PCDH15: variants seen among roughly 807,000 people sequenced by gnomAD.
PCDH15 encodes the protein protocadherin-15.
Under a neutral mutation model 178.5 loss-of-function variants are expected in PCDH15, and 129 were observed. The ratio of observed to expected loss-of-function variants is 0.72; its 90% CI spans 0.63 to 0.84. The LOEUF (loss-of-function observed/expected upper bound fraction) is 0.84. PCDH15 is among the 40% of genes least tolerant of loss of function. The pLI is 0.00. For synonymous variants in PCDH15, 800 were observed against 732.0 expected (o/e 1.09, Z -1.50); for missense variants, 2,230 against 2,099.9 (o/e 1.06, Z -1.21).
Position 54,022,889 on chromosome 10 carries a change from C to T in PCDH15, c.2526+3G>A. The T allele has an allele frequency of 6.2e-7, 1 of 1,613,774 alleles. No individual in the cohort carries two copies. The highest frequency in any genetic ancestry group is 2.2e-5 in the East Asian group (1 of 44,862). On this transcript the variant is annotated splice_donor_region_variant and intron_variant, in intron 19 of 37. Coordinates refer to ENST00000644397, the MANE Select transcript of PCDH15 (RefSeq NM_001384140.1). ...CATGTAATAAATGCTTTTTCCCACACACCTCTATTTGAAGGATGGTAGTCC... is the reference window on the plus strand; with the variant it reads ...CATGTAATAAATGCTTTTTCCCACATACCTCTATTTGAAGGATGGTAGTCC...
At chr10:54,671,444 T>C (rs942902491) in intron 1 of PCDH15, among the ~76,000 whole-genome samples, 3 of 152,138 alleles carry the variant, frequency 2.0e-5, no homozygotes, top group Admixed American at 6.5e-5. Flanking sequence ...TAATGTAATA[T>C]AATAAAAGTC....
intron 8 of PCDH15, among the ~76,000 whole-genome samples, chr10:54,242,126 ATTTT>A (rs1188478276): frequency 3.1e-3 from 133 of 43,258 alleles, no homozygotes; most frequent in African/African-American, 9.7e-3. Context: ...TCTGAATTCT[ATTTT>A]TATATATATA....
intron 16 of PCDH15, 63 bp from the exon 17 acceptor site, chr10:54,079,487 C>T: frequency 2.1e-6 from 3 of 1,446,364 alleles, no homozygotes; most frequent in Non-Finnish European, 2.9e-6. Flanking sequence ...GGAGAGTCTT[C>T]TTAGTATAGT....
At chr10:54,450,130 A>ATATATATATATAT (rs2076378291) in intron 3 of PCDH15, among the ~76,000 whole-genome samples, 1 of 137,238 alleles carries the variant, frequency 7.3e-6, no homozygotes, top group African/African-American at 2.8e-5. Context: ...CTTTTTTATA[A>ATATATATATATAT]ATATATATAT....
At chr10:55,407,430 T>C (rs557274216) in intron 2 of PCDH15, among the ~76,000 whole-genome samples, 4 of 152,306 alleles carry the variant, frequency 2.6e-5, no homozygotes, top group Admixed American at 6.5e-5. Flanking sequence ...TAGACTCTTC[T>C]CTTTTCCACA....
chr10:54,717,013 G>A (rs1301409016), intron 1 of PCDH15, among the ~76,000 whole-genome samples: 3 of 148,884 alleles, frequency 2.0e-5, no homozygotes, highest in East Asian at 1.9e-4. Context: ...ATGGGGAAAG[G>A]ATTCCCTATT....
intron 7 of PCDH15, among the ~76,000 whole-genome samples, chr10:54,327,310 C>G (rs1042952797): frequency 6.6e-6 from 1 of 151,714 alleles, no homozygotes; most frequent in South Asian, 2.1e-4. Context: ...TTTTGAAAAA[C>G]TCTGAGTGGC....
intron 2 of PCDH15, among the ~76,000 whole-genome samples, chr10:55,497,604 T>A (rs1036768373): frequency 2.0e-5 from 3 of 151,822 alleles, no homozygotes; most frequent in Non-Finnish European, 4.4e-5. Flanking sequence ...GAAAATAAAA[T>A]ATTTTTAAAA....
intron 15 of PCDH15, among the ~76,000 whole-genome samples, chr10:54,100,484 G>A (rs2094790242): frequency 6.6e-6 from 1 of 152,114 alleles, no homozygotes; most frequent in African/African-American, 2.4e-5. Flanking sequence ...TCCTCTTTGA[G>A]CAAGATTTAA....
intron 1 of PCDH15, among the ~76,000 whole-genome samples, chr10:54,675,980 T>G (rs368624791): frequency 9.9e-5 from 15 of 152,206 alleles, no homozygotes; most frequent in South Asian, 4.1e-4. Context: ...TTTTAACACT[T>G]ATTCCTGCAG....
intron 2 of PCDH15, among the ~76,000 whole-genome samples, chr10:55,405,190 G>T (rs1019728811): frequency 1.3e-5 from 2 of 150,116 alleles, no homozygotes; most frequent in African/African-American, 4.9e-5. Context: ...TCTATAGAGC[G>T]ATATATATCT....
At chr10:54,698,732 A>T (rs1591129306) in intron 1 of PCDH15, among the ~76,000 whole-genome samples, 2 of 152,162 alleles carry the variant, frequency 1.3e-5, no homozygotes, top group East Asian at 3.9e-4. Context: ...GGTCATAGAT[A>T]AATGTTCTAA....
chr10:55,485,547 G>T (rs1181143337), intron 2 of PCDH15, among the ~76,000 whole-genome samples: 1 of 151,580 alleles, frequency 6.6e-6, no homozygotes, highest in Non-Finnish European at 1.5e-5. Flanking sequence ...AAGCTCTTGG[G>T]AATGTAAACT....
chr10:54,197,103 T>G (rs2049749025), intron 10 of PCDH15, among the ~76,000 whole-genome samples: 1 of 152,122 alleles, frequency 6.6e-6, no homozygotes, highest in African/African-American at 2.4e-5. Flanking sequence ...AATAATAAAT[T>G]TCATTGTAAT....
At chr10:55,511,057 T>TG (rs1351146396) in intron 2 of PCDH15, among the ~76,000 whole-genome samples, 5 of 150,904 alleles carry the variant, frequency 3.3e-5, no homozygotes, top group African/African-American at 1.2e-4. Context: ...GTTTGTTTTT[T>TG]TTTTTAGAGA....
Position 53,858,291 on chromosome 10 carries a change from A to T in PCDH15, c.3718-1028T>A, listed in dbSNP as rs1198357173. 1.6e-4 allele frequency among the ~76,000 whole-genome samples: 25 copies of T among 152,122 alleles called. 1 individual carries two copies. ...TTCACATTGCCACACATGTTTTTAT[A>T]GGCTCCAGATTCTTTACATATAGAG... is the stretch of plus-strand genomic sequence containing the variant. On this transcript the variant is annotated intron_variant, in intron 27 of 37. Coordinates refer to ENST00000644397, the MANE Select transcript of PCDH15 (RefSeq NM_001384140.1).
intron 2 of PCDH15, among the ~76,000 whole-genome samples, chr10:55,450,500 C>T (rs1252326687): frequency 2.6e-5 from 4 of 152,156 alleles, no homozygotes; most frequent in Non-Finnish European, 5.9e-5. Context: ...TGAGCCCTCT[C>T]CGGCATTTAC....
chr10:54,235,825 T>C (rs1468838145), intron 9 of PCDH15, among the ~76,000 whole-genome samples: 1 of 152,228 alleles, frequency 6.6e-6, no homozygotes, highest in African/African-American at 2.4e-5. Context: ...CACCAAGATC[T>C]CTATAGACTT....
intron 6 of PCDH15, among the ~76,000 whole-genome samples, chr10:54,341,923 C>T (rs532709244): frequency 9.9e-5 from 15 of 152,282 alleles, no homozygotes; most frequent in Admixed American, 7.2e-4. Flanking sequence ...GGAGAAATTT[C>T]TAAGCAGCAA....
Sources: allele counts gnomAD v4.1 joint callset (sites outside exome capture counted in the v4.1 genomes callset), GRCh38; gene constraint gnomAD v4.1.1; transcripts MANE v1.5; gene names NCBI Gene and HGNC (gene_info 2026-07-23, HGNC 2026-07-21).